FBXO11: variants seen among roughly 807,000 people sequenced by gnomAD.
FBXO11 encodes F-box protein 11.
Under a neutral mutation model 117.0 loss-of-function variants are expected in FBXO11, and 13 were observed. The ratio of observed to expected loss-of-function variants is 0.11; its 90% CI spans 0.07 to 0.18. The LOEUF is 0.18. Ranked by LOEUF, FBXO11 falls within the 10% of genes least tolerant of loss-of-function variation. The pLI is 1.00. For synonymous variants in FBXO11, 490 were observed against 380.5 expected, an observed-to-expected ratio of 1.29 and a Z score of -3.35; for missense variants, 767 against 1,164.4, an observed-to-expected ratio of 0.66 and a Z score of 4.97.
At chr2:47,819,513 C>T (rs1180823760) in intron 14 of FBXO11, among the ~76,000 whole-genome samples, 1 of 152,180 alleles carries the variant, frequency 6.6e-6, no homozygotes, top group Non-Finnish European at 1.5e-5. Context: ...CGCGCCCGGC[C>T]AACATTCTTT....
chr2:47,819,783 G>GTAAC (rs1312891141), intron 14 of FBXO11, among the ~76,000 whole-genome samples: 1 of 152,042 alleles, frequency 6.6e-6, no homozygotes, highest in Non-Finnish European at 1.5e-5. Context: ...CTTTTAGCAG[G>GTAAC]TAACTGAGGA....
At chr2:47,904,250 C>A (rs77055461) in intron 1 of FBXO11, among the ~76,000 whole-genome samples, 2 of 152,266 alleles carry the variant, frequency 1.3e-5, no homozygotes, top group Admixed American at 6.5e-5. Context: ...AACTAAAACA[C>A]GCAAAATGTC....
At chr2:47,842,665 C>T (rs971046420) in intron 1 of FBXO11, among the ~76,000 whole-genome samples, 1 of 151,706 alleles carries the variant, frequency 6.6e-6, no homozygotes, top group African/African-American at 2.4e-5. Context: ...ACACAGTATG[C>T]CTGGGCTCAT....
intron 1 of FBXO11, among the ~76,000 whole-genome samples, chr2:47,885,282 G>A (rs1022376422): frequency 2.0e-4 from 30 of 152,098 alleles, no homozygotes; most frequent in Non-Finnish European, 5.9e-5. Context: ...GCAGTAGTAC[G>A]GCATATGGCT....
At chr2:47,861,104 C>T (rs1674738491) in intron 1 of FBXO11, among the ~76,000 whole-genome samples, 1 of 152,058 alleles carries the variant, frequency 6.6e-6, no homozygotes, top group Non-Finnish European at 1.5e-5. Flanking sequence ...CCCGCCACGG[C>T]CTCCCAAAGT....
intron 1 of FBXO11, among the ~76,000 whole-genome samples, chr2:47,841,450 G>A (rs1328809849): frequency 6.6e-6 from 1 of 152,072 alleles, no homozygotes; most frequent in African/African-American, 2.4e-5. Flanking sequence ...AACCAGTAGT[G>A]TATATATCTC....
chr2:47,823,050 C>A, intron 12 of FBXO11, 93 bp downstream of exon 12: 1 of 854,480 alleles, frequency 1.2e-6, no homozygotes, highest in Non-Finnish European at 1.8e-6. Flanking sequence ...AAATGTCTAA[C>A]AAAAACTTTC....
At chr2:47,895,556 G>A (rs1010125694) in intron 1 of FBXO11, among the ~76,000 whole-genome samples, 1 of 152,208 alleles carries the variant, frequency 6.6e-6, no homozygotes, top group Non-Finnish European at 1.5e-5. Context: ...ATTCCTTGCT[G>A]TAGGTATTTT....
intron 1 of FBXO11, among the ~76,000 whole-genome samples, chr2:47,877,377 G>A (rs375507786): frequency 6.6e-6 from 1 of 151,776 alleles, no homozygotes; most frequent in East Asian, 1.9e-4. Context: ...TCCCACTCCT[G>A]CAAAAAAGAA....
chr2:47,905,382 C>T, intron 1 of FBXO11, 107 bp downstream of exon 1: 1 of 1,062,902 alleles, frequency 9.4e-7, no homozygotes, highest in Non-Finnish European at 1.2e-6. Flanking sequence ...GGTCTCCCAC[C>T]CCCAGGGCGC....
chr2:47,834,583 A>G lies in FBXO11; in HGVS notation c.930T>C (p.Gly310=). 1 of 1,565,934 alleles carries G rather than the reference A, an allele frequency of 6.4e-7. No homozygotes were observed. Among genetic ancestry groups the G allele is most frequent in the Non-Finnish European group, 8.6e-7 (1 of 1,159,692 alleles). The part of the protein sequence containing the change: ...IYIESPITMI[G]AAPGKVADKV... ...TGACAATGCATTTCAAAATACCTGC[A>G]CCAATCATGGTGATTGGAGATTCAA... is the stretch of plus-strand genomic sequence containing the variant. The change falls in exon 7 of 23, where the codon GGT becomes GGC. Residue 310 remains glycine, a synonymous_variant. Coordinates refer to ENST00000403359, the MANE Select transcript of FBXO11 (RefSeq NM_001190274.2).
chr2:47,829,049 G>C (rs374504401), intron 11 of FBXO11, among the ~76,000 whole-genome samples: 3 of 151,474 alleles, frequency 2.0e-5, no homozygotes, highest in Non-Finnish European at 2.9e-5. Context: ...AACCTCCTGA[G>C]AGGCTGGGAT....
At chr2:47,815,248 C>T (rs1259351987) in intron 16 of FBXO11, among the ~76,000 whole-genome samples, 3 of 152,130 alleles carry the variant, frequency 2.0e-5, no homozygotes, top group South Asian at 2.1e-4. Context: ...TCTGGCCTAA[C>T]GGTGATGGAC....
intron 1 of FBXO11, among the ~76,000 whole-genome samples, chr2:47,897,701 C>CAAA (rs60982405): frequency 8.2e-4 from 85 of 103,102 alleles, no homozygotes; most frequent in African/African-American, 1.5e-3. Flanking sequence ...TGTCTTAAAC[C>CAAA]AAAAAAAAAA....
At chr2:47,838,446 G>A (rs931847251) in intron 4 of FBXO11, among the ~76,000 whole-genome samples, 1 of 151,780 alleles carries the variant, frequency 6.6e-6, no homozygotes, top group Non-Finnish European at 1.5e-5. Context: ...GGGTCAAAGG[G>A]CATGACCCAG....
intron 11 of FBXO11, among the ~76,000 whole-genome samples, chr2:47,829,797 A>G (rs924206195): frequency 6.6e-6 from 1 of 152,250 alleles, no homozygotes; most frequent in Non-Finnish European, 1.5e-5. Flanking sequence ...AATAATCCAG[A>G]GTGTAAAAAA....
intron 4 of FBXO11, among the ~76,000 whole-genome samples, chr2:47,837,673 C>T (rs1672691984): frequency 6.6e-6 from 1 of 152,214 alleles, no homozygotes; most frequent in African/African-American, 2.4e-5. Context: ...TGCTTCCACT[C>T]ATTTTATCTA....
rs147825373 is a variant in FBXO11, at chr2:47,832,927, G to C, written c.1041+37C>G. ...TGAAATAAACAATTACTGCCTTTAT[G>C]ATTTCAATGTGTATTTTAAATCTTA... On this transcript the variant is annotated intron_variant, in intron 8 of 22. Transcript: ENST00000403359. 1,762 of 1,603,402 alleles carry C rather than the reference G, an allele frequency of 1.1e-3. 5 individuals are homozygous for C. Among genetic ancestry groups the C allele is most frequent in the South Asian group, 5.2e-3 (476 of 90,836 alleles).
At chr2:47,888,577 C>A (rs148455907) in intron 1 of FBXO11, 5,904 of 583,652 alleles carry the variant, frequency 0.01, 36 homozygotes, top group Non-Finnish European at 0.012. Flanking sequence ...AGCTGAGCAA[C>A]CTTTTTCTTT....
Sources: allele counts gnomAD v4.1 joint callset (sites outside exome capture counted in the v4.1 genomes callset), GRCh38; gene constraint gnomAD v4.1.1; transcripts MANE v1.5; gene names NCBI Gene and HGNC (gene_info 2026-07-23, HGNC 2026-07-21).